Variants in PDGFRL observed in about 807,000 individuals in gnomAD.
The protein encoded by PDGFRL is platelet derived growth factor receptor like.
A neutral mutation model predicts 37.2 loss-of-function variants in PDGFRL; 46 were observed. That is an observed-to-expected ratio of 1.24 (90% CI 0.98 to 1.58). The LOEUF (loss-of-function observed/expected upper bound fraction) is 1.58, where lower values mean the gene tolerates loss of function less well. PDGFRL is among the 40% of genes most tolerant of loss of function. The pLI, the probability that PDGFRL is intolerant of heterozygous loss-of-function variation, is 0.00. For synonymous variants in PDGFRL, 251 were observed against 184.3 expected, an observed-to-expected ratio of 1.36 and a Z score of -2.93; for missense variants, 692 against 467.6, an observed-to-expected ratio of 1.48 and a Z score of -4.43.
intron 2 of PDGFRL, among the ~76,000 whole-genome samples, chr8:17,602,975 T>C (rs1228866148): frequency 1.3e-5 from 2 of 152,218 alleles, no homozygotes; most frequent in Non-Finnish European, 2.9e-5. Flanking sequence ...AAACAAATTT[T>C]ATTTTATTTT....
At chr8:17,586,610 A>T (rs1311017659) in intron 1 of PDGFRL, among the ~76,000 whole-genome samples, 1 of 152,160 alleles carries the variant, frequency 6.6e-6, no homozygotes, top group Non-Finnish European at 1.5e-5. Flanking sequence ...TGTTTCCACC[A>T]CAAGTTCATC....
intron 3 of PDGFRL, among the ~76,000 whole-genome samples, chr8:17,621,765 A>G (rs1339699061): frequency 1.3e-5 from 2 of 152,134 alleles, no homozygotes; most frequent in African/African-American, 4.8e-5. Context: ...CTCAGAACCT[A>G]TGACCATCTT....
rs1399967099 is a variant in PDGFRL at position 17,590,027 on chromosome 8, C to G, written c.353+262C>G. ...TGGGCGGATCACGAGGTCAGGAGAT[C>G]GAGGCTATCCTGGCTAACCCGGTGA... is the stretch of plus-strand genomic sequence containing the variant. On this transcript the variant is annotated intron_variant, in intron 2 of 5. Coordinates refer to ENST00000251630, the MANE Select transcript of PDGFRL (RefSeq NM_001372073.1). 2.0e-5 allele frequency among the ~76,000 whole-genome samples: 3 copies of G among 150,610 alleles called. No individual in the cohort carries two copies. In the East Asian group the frequency reaches 6.0e-4, roughly 30 times the overall value.
chr8:17,585,463 C>A (rs145268596), intron 1 of PDGFRL, among the ~76,000 whole-genome samples: 2 of 152,146 alleles, frequency 1.3e-5, no homozygotes. Context: ...GCTACATTTT[C>A]CTCTCCATAG....
chr8:17,628,216 G>A lies in PDGFRL; in HGVS notation c.506-271G>A, dbSNP rs534305726. On this transcript the variant is annotated intron_variant, in intron 3 of 5. Coordinates refer to ENST00000251630, the MANE Select transcript of PDGFRL (RefSeq NM_001372073.1). ...TCACCGTGTTAGCCAGGATGGTCTC[G>A]ATCTCCTGACCTCGTGATCTGCCCG... Among the ~76,000 whole-genome samples, 9 of 151,316 alleles carry A rather than the reference G, an allele frequency of 5.9e-5. No individual in the cohort carries two copies. In the East Asian group the frequency reaches 1.2e-3, roughly 20 times the overall value.
intron 5 of PDGFRL, among the ~76,000 whole-genome samples, chr8:17,636,823 T>G (rs11780616): frequency 0.86 from 130,376 of 152,056 alleles, 56,471 homozygotes; most frequent in Non-Finnish European, 0.92. Context: ...CTTGCAGAGG[T>G]CTTTCACCTC....
chr8:17,599,995 A>G (rs578004459), intron 2 of PDGFRL, among the ~76,000 whole-genome samples: 3 of 152,204 alleles, frequency 2.0e-5, no homozygotes, highest in East Asian at 3.9e-4. Flanking sequence ...CTTTTCATCA[A>G]TATTCACCAA....
rs770779669 is a variant in PDGFRL, at chr8:17,590,236, C to CAAAAAAAAAAAAA, written c.353+479_353+491dup. ...GGTGACAGAGAGCGAGACTCCATCT[C>CAAAAAAAAAAAAA]AAAAAAAAAAAAAAAAAAAATTGCA... On this transcript the variant is annotated intron_variant, in intron 2 of 5. Coordinates refer to ENST00000251630, the MANE Select transcript of PDGFRL (RefSeq NM_001372073.1). Among the ~76,000 whole-genome samples the CAAAAAAAAAAAAA allele has an allele frequency of 0.011, 379 of 35,592 alleles. 56 individuals carry two copies. In the East Asian group the frequency reaches 0.16, roughly 15 times the overall value. The allele number at this position is 35,592 out of a possible 152,430, so 23.3% of individuals were successfully genotyped here. A position where few individuals can be genotyped will look rare whatever the true frequency, so the allele number is the denominator to read the frequency against.
chr8:17,587,534 T>TTTTCTTTC (rs540541949), intron 1 of PDGFRL, among the ~76,000 whole-genome samples: 1 of 152,072 alleles, frequency 6.6e-6, no homozygotes, highest in East Asian at 1.9e-4. Flanking sequence ...AATGGTGGGC[T>TTTTCTTTC]TTTCTTTCTT....
intron 1 of PDGFRL, among the ~76,000 whole-genome samples, chr8:17,586,444 C>T (rs989200147): frequency 2.0e-5 from 3 of 152,118 alleles, no homozygotes; most frequent in African/African-American, 7.2e-5. Flanking sequence ...AGTGAAAAAG[C>T]AACAATATGC....
chr8:17,620,964 C>A, intron 2 of PDGFRL, 87 bp from the exon 3 acceptor site: 1 of 921,152 alleles, frequency 1.1e-6, no homozygotes, highest in Non-Finnish European at 1.6e-6. Flanking sequence ...GGCAAGTCTG[C>A]CCAGAGAACA....
intron 2 of PDGFRL, among the ~76,000 whole-genome samples, chr8:17,609,652 AAAAAAAAAAAAAAT>A (rs779115919): frequency 0.037 from 4,149 of 112,882 alleles, 157 homozygotes; most frequent in South Asian, 0.16. Context: ...AAAAAAAAAA[AAAAAAAAAAAAAAT>A]AAGAGCCAAA....
At chr8:17,608,111 G>C (rs1457594481) in intron 2 of PDGFRL, among the ~76,000 whole-genome samples, 2 of 152,186 alleles carry the variant, frequency 1.3e-5, no homozygotes, top group Non-Finnish European at 2.9e-5. Flanking sequence ...CCTGTCTCCT[G>C]CCTCGCTTGG....
intron 2 of PDGFRL, among the ~76,000 whole-genome samples, chr8:17,611,611 G>A (rs1445859900): frequency 6.6e-6 from 1 of 152,194 alleles, no homozygotes; most frequent in African/African-American, 2.4e-5. Context: ...GTCTGGGTTT[G>A]GTGAGGAGCT....
At position 17,628,755 on chromosome 8, in the gene PDGFRL, C is replaced by G. The variant is rs766914587; in HGVS notation, c.774C>G (p.Val258=). 54 of 1,613,910 alleles carry G rather than the reference C, an allele frequency of 3.3e-5. No individual in the cohort carries two copies. In the East Asian group the frequency reaches 1.1e-3, roughly 34 times the overall value. Residue 258 remains valine, a synonymous_variant, in exon 4 of 6, where the codon GTC becomes GTG. Transcript: ENST00000251630. The part of the protein sequence containing the change: ...AEAGGRSQIS[V]KYQLLYVAVP... ...CCGGGGGCAGATCTCAGATCTCCGT[C>G]AAGTACCAGCTGCTCTATGTGGCGG... is the stretch of plus-strand genomic sequence containing the variant.
Position 17,628,610 on chromosome 8 carries a change from A to T in PDGFRL, c.629A>T (p.Glu210Val), listed in dbSNP as rs750830856. ...VLSAKVTLHR[E>V]FPAKEIPANG... ...TCGGCCAAAGTCACGCTCCACAGGG[A>T]ATTCCCAGCCAAGGAGATCCCAGCC... is the stretch of plus-strand genomic sequence containing the variant. The change falls in exon 4 of 6, where the codon GAA (glutamate) becomes GTA (valine). Residue 210 changes from glutamate to valine, a missense_variant. Transcript: ENST00000251630. 1.2e-6 allele frequency: 2 copies of T among 1,614,052 alleles called. No homozygotes were observed. The highest frequency in any genetic ancestry group is 8.5e-7 in the Non-Finnish European group (1 of 1,180,034).
At chr8:17,611,221 C>T (rs142924695) in intron 2 of PDGFRL, among the ~76,000 whole-genome samples, 2 of 152,278 alleles carry the variant, frequency 1.3e-5, no homozygotes, top group East Asian at 3.9e-4. Flanking sequence ...TCTTTAAGGT[C>T]CCTCTCAGTT....
At chr8:17,596,337 C>T (rs546857687) in intron 2 of PDGFRL, 27 of 1,238,120 alleles carry the variant, frequency 2.2e-5, no homozygotes, top group East Asian at 2.9e-5. Context: ...CACGTAACTC[C>T]GTGGGAAGAA....
intron 1 of PDGFRL, among the ~76,000 whole-genome samples, chr8:17,578,872 A>C (rs1246014220): frequency 2.6e-5 from 4 of 152,198 alleles, no homozygotes; most frequent in African/African-American, 9.6e-5. Flanking sequence ...CATAAATTTT[A>C]GGTGATAATA....
Sources: gnomAD v4.1 joint callset for allele counts (sites outside exome capture counted in the v4.1 genomes callset) on GRCh38, gnomAD v4.1.1 for gene constraint, MANE v1.5 for transcripts, NCBI Gene and HGNC (gene_info 2026-07-23, HGNC 2026-07-21) for gene names.